ZNF692: variants seen among roughly 807,000 people sequenced by gnomAD.
ZNF692 encodes the protein zinc finger protein 692.
In ZNF692, 41 loss-of-function variants were observed where a neutral mutation model predicts 49.0. That is an observed-to-expected ratio of 0.84 (90% CI 0.65 to 1.08). The LOEUF is 1.08. ZNF692 is among the 50% of genes least tolerant of loss of function. ZNF692 has a pLI of 0.00. For missense variants in ZNF692, 662 were observed against 662.2 expected, an observed-to-expected ratio of 1.00 and a Z score of 0.00; for synonymous variants, 288 against 251.5, an observed-to-expected ratio of 1.15 and a Z score of -1.37.
chr1:248,857,204 T>C (rs758689225), intron 4 of ZNF692, 30 bp downstream of exon 4: 2 of 1,574,670 alleles, frequency 1.3e-6, no homozygotes, highest in East Asian at 4.5e-5. Context: ...TCCTCCCTTT[T>C]CTCCATAACT....
At chr1:248,854,807 G>C (rs1002792640) in intron 9 of ZNF692, among the ~76,000 whole-genome samples, 4 of 152,088 alleles carry the variant, frequency 2.6e-5, no homozygotes, top group Non-Finnish European at 5.9e-5. Context: ...TCTCAGCCTA[G>C]AGCTTCCCTG....
At position 248,850,071 on chromosome 1, in the gene ZNF692, C is replaced by T; in HGVS notation, c.*139G>A. ...AAAGTAGTCCAGCTCCCCTACAGCC[C>T]AGTCTTGCCCCCACCCTGCACTCTG... is the stretch of plus-strand genomic sequence containing the variant. On this transcript the variant is annotated 3_prime_UTR_variant, in exon 12 of 12. Transcript: ENST00000306601. The T allele has an allele frequency of 6.7e-6, 6 of 891,222 alleles. No individual in the cohort carries two copies. Among genetic ancestry groups the T allele is most frequent in the Non-Finnish European group, 9.9e-6 (6 of 608,380 alleles). The allele number at this position is 891,222 out of a possible 1,614,324, so 55.2% of individuals were successfully genotyped here. A position where few individuals can be genotyped will look rare whatever the true frequency, so the allele number is the denominator to read the frequency against.
intron 10 of ZNF692, among the ~76,000 whole-genome samples, chr1:248,851,449 A>G (rs1377199733): frequency 2.6e-5 from 4 of 152,048 alleles, no homozygotes; most frequent in Non-Finnish European, 5.9e-5. Context: ...TAACCCACCA[A>G]ACCTCAGGGT....
Position 248,850,387 on chromosome 1 carries a change from GTC to G in ZNF692, c.1381_1382del (p.Asp461GlnfsTer7). 2 of 1,614,130 alleles carry G rather than the reference GTC, an allele frequency of 1.2e-6. No individual in the cohort carries two copies. Among genetic ancestry groups the G allele is most frequent in the South Asian group, 2.2e-5 (2 of 91,080 alleles). ...TTTTGCTACGGTGGGCTGCAACACTGTCTGGCTTCTCAAAGCGCTTGCCGCAG... is the reference window on the plus strand; with the variant it reads ...TTTTGCTACGGTGGGCTGCAACACTGTGGCTTCTCAAAGCGCTTGCCGCAG... The part of the protein sequence containing the change: ...EFCGKRFEKP[D>X]SVAAHRSKSH... On this transcript the variant is annotated frameshift_variant, in exon 12 of 12. Transcript: ENST00000306601. LOFTEE classifies it low-confidence loss of function (END_TRUNC).
chr1:248,850,573 T>C (rs1659445882), intron 11 of ZNF692, 57 bp from the exon 12 acceptor site: 6 of 1,591,774 alleles, frequency 3.8e-6, no homozygotes, highest in Non-Finnish European at 5.1e-6. Flanking sequence ...ATGACTTCCC[T>C]AGGGGGTTCC....
rs905112233 is a variant in ZNF692 at position 248,856,566 on chromosome 1, T to A, written c.476-4A>T. The A allele has an allele frequency of 1.9e-6, 3 of 1,613,898 alleles. No individual in the cohort carries two copies. The highest frequency in any genetic ancestry group is 3.3e-5 in the Admixed American group (2 of 60,002). On this transcript the variant is annotated splice_polypyrimidine_tract_variant and splice_region_variant and intron_variant, in intron 4 of 11. Coordinates refer to ENST00000306601, the MANE Select transcript of ZNF692 (RefSeq NM_017865.4). ...TCATCATGCTCAGATTCCAAATCTG[T>A]GGGACAGGCAAAGTCAAAAGAGAAG...
chr1:248,856,575 C>T lies in ZNF692; in HGVS notation c.476-13G>A. ...TCAGATTCCAAATCTGTGGGACAGG[C>T]AAAGTCAAAAGAGAAGGAACTCTGG... On this transcript the variant is annotated splice_polypyrimidine_tract_variant and intron_variant, in intron 4 of 11. Transcript: ENST00000306601. The T allele has an allele frequency of 6.2e-7, 1 of 1,614,046 alleles. No individual in the cohort carries two copies. Among genetic ancestry groups the T allele is most frequent in the Non-Finnish European group, 8.5e-7 (1 of 1,180,018 alleles).
intron 11 of ZNF692, 52 bp from the exon 12 acceptor site, chr1:248,850,568 T>C (rs969425902): frequency 1.3e-6 from 2 of 1,589,540 alleles, no homozygotes; most frequent in Non-Finnish European, 1.7e-6. Flanking sequence ...CCATCATGAC[T>C]TCCCTAGGGG....
chr1:248,857,643 A>G, intron 3 of ZNF692, 146 bp from the exon 4 acceptor site: 1 of 1,470,770 alleles, frequency 6.8e-7, no homozygotes, highest in Non-Finnish European at 9.0e-7. Flanking sequence ...ACCTAGACAC[A>G]CTAGATCCTG....
intron 4 of ZNF692, 99 bp from the exon 5 acceptor site, chr1:248,856,661 T>C: frequency 6.9e-7 from 1 of 1,459,452 alleles, no homozygotes; most frequent in Non-Finnish European, 9.5e-7. Flanking sequence ...CTCCTCTTTT[T>C]TTTTTAAATA....
intron 9 of ZNF692, among the ~76,000 whole-genome samples, chr1:248,855,179 C>G (rs1293222201): frequency 6.6e-6 from 1 of 152,216 alleles, no homozygotes; most frequent in Non-Finnish European, 1.5e-5. Flanking sequence ...CAATGCCTAA[C>G]CTTTCTGTCT....
chr1:248,857,168 G>A (rs1462199480), intron 4 of ZNF692, 66 bp downstream of exon 4: 4 of 1,479,644 alleles, frequency 2.7e-6, no homozygotes, highest in African/African-American at 2.8e-5. Flanking sequence ...ACAGGGTTCT[G>A]AGCTACAGAA....
At position 248,856,532 on chromosome 1, in the gene ZNF692, T is replaced by C. The variant is rs1660256791; in HGVS notation, c.506A>G (p.Gln169Arg). ...TCCTCACCTGGGCAACCTGGCCTCT[T>C]GAGTCCTCTCATCATGCTCAGATTC... ...DLESEHDERT[Q>R]EARLPRRVGP... The change falls in exon 5 of 12, where the codon CAA becomes CGA. Residue 169 changes from glutamine to arginine, a missense_variant. By Grantham distance (43) the Gln-to-Arg change is conservative. Transcript: ENST00000306601. 1 of 1,614,206 alleles carries C rather than the reference T, an allele frequency of 6.2e-7. No individual in the cohort carries two copies. The highest frequency in any genetic ancestry group is 1.1e-5 in the South Asian group (1 of 91,088).
Position 248,858,993 on chromosome 1 carries a change from C to T in ZNF692, c.-88G>A. ...CCGGGCCTAGCGAGCAGGCCCGGAG[C>T]TGCTGGAAGACAGGGGCCCACCTCG... On this transcript the variant is annotated 5_prime_UTR_variant, in exon 1 of 12. Transcript: ENST00000306601. The surrounding 1 kb of genome is among the most constrained non-coding windows in gnomAD (Gnocchi z 4.3). 6.0e-6 allele frequency: 1 copy of T among 166,548 alleles called. No individual in the cohort carries two copies. The highest frequency in any genetic ancestry group is 1.3e-5 in the Non-Finnish European group (1 of 76,144). 10.3% of individuals were successfully genotyped at this position (166,548 alleles called of 1,614,324 possible). A position where few individuals can be genotyped will look rare whatever the true frequency, so the allele number is the denominator to read the frequency against.
At chr1:248,850,874 G>T in intron 10 of ZNF692, 93 bp from the exon 11 acceptor site, 3 of 971,878 alleles carry the variant, frequency 3.1e-6, no homozygotes, top group Non-Finnish European at 4.4e-6. Flanking sequence ...AGAGTGCACC[G>T]TATTGGAGGT....
rs1287552248 is a variant in ZNF692 at position 248,856,327 on chromosome 1, C to G, written c.620G>C (p.Ser207Thr). ...GCTGTAGGTCCATAAGCTGGCATCA[C>G]TGAGCATCTCCTCTTCATCCTCATC... ...DNDEDEEEMLSDASLWTYSSS... is the reference protein window; with the variant it reads ...DNDEDEEEMLTDASLWTYSSS... Residue 207 changes from serine to threonine, a missense_variant, in exon 6 of 12, where the codon AGT becomes ACT. Coordinates refer to ENST00000306601, the MANE Select transcript of ZNF692 (RefSeq NM_017865.4). 6.2e-7 allele frequency: 1 copy of G among 1,608,178 alleles called. No individual in the cohort carries two copies. The highest frequency in any genetic ancestry group is 8.5e-7 in the Non-Finnish European group (1 of 1,176,822).
At position 248,855,824 on chromosome 1, in the gene ZNF692, G is replaced by C; in HGVS notation, c.782C>G (p.Ser261Cys). 1 of 1,614,216 alleles carries C rather than the reference G, an allele frequency of 6.2e-7. No homozygotes were observed. The highest frequency in any genetic ancestry group is 8.5e-7 in the Non-Finnish European group (1 of 1,180,044). The change falls in exon 7 of 12, where the codon TCC becomes TGC. Residue 261 changes from serine (S) to cysteine (C), a missense_variant. Coordinates refer to ENST00000306601, the MANE Select transcript of ZNF692 (RefSeq NM_017865.4). ...SPLAVPALSA[S>C]SLSSRAPPPA... ...TGGAGGAGCTCTGGAACTCAATGAGGATGCTGACAAGGCCGGCACAGCAAG... is the reference window on the plus strand; with the variant it reads ...TGGAGGAGCTCTGGAACTCAATGAGCATGCTGACAAGGCCGGCACAGCAAG...
chr1:248,856,485 C>T (rs778249711), intron 5 of ZNF692, 29 bp downstream of exon 5: 48 of 1,614,110 alleles, frequency 3.0e-5, no homozygotes, highest in South Asian at 1.1e-4. Context: ...TATGCAATTC[C>T]GCCTTTTCTC....
rs1659405077 is a variant in ZNF692, at chr1:248,850,359, G to A, written c.1411C>T (p.His471Tyr). 6.2e-7 allele frequency: 1 copy of A among 1,614,124 alleles called. No homozygotes were observed. The change falls in exon 12 of 12, where the codon CAC becomes TAC. Residue 471 changes from histidine (H) to tyrosine (Y), a missense_variant. Coordinates refer to ENST00000306601, the MANE Select transcript of ZNF692 (RefSeq NM_017865.4). ...DSVAAHRSKS[H>Y]PALLLAPQES... ...TGAGGGGCTAGAAGCAGGGCTGGGTGACTTTTGCTACGGTGGGCTGCAACA... is the reference window on the plus strand; with the variant it reads ...TGAGGGGCTAGAAGCAGGGCTGGGTAACTTTTGCTACGGTGGGCTGCAACA...
Sources: gnomAD v4.1 joint callset for allele counts (sites outside exome capture counted in the v4.1 genomes callset) on GRCh38, gnomAD v4.1.1 for gene constraint, Gnocchi (gnomAD v3.1) non-coding constraint, MANE v1.5 for transcripts, NCBI Gene and HGNC (gene_info 2026-07-23, HGNC 2026-07-21) for gene names.